NEDD4L: variants seen among roughly 807,000 people sequenced by gnomAD.
NEDD4L encodes NEDD4 like E3 ubiquitin protein ligase.
In NEDD4L, 54 loss-of-function variants were observed where a neutral mutation model predicts 148.9. That is an observed-to-expected ratio of 0.36 (90% CI 0.29 to 0.45). The LOEUF (loss-of-function observed/expected upper bound fraction) is 0.45, where lower values mean the gene tolerates loss of function less well. Among genes scored for constraint, NEDD4L ranks in the 20% least tolerant of loss-of-function variants. The probability of loss-of-function intolerance (pLI) is 1.00; values close to 1 mark genes in which losing one functional copy is unlikely to be tolerated. For missense variants in NEDD4L, 856 were observed against 1,233.8 expected, an observed-to-expected ratio of 0.69 and a Z score of 4.59; for synonymous variants, 433 against 440.7, an observed-to-expected ratio of 0.98 and a Z score of 0.22.
intron 22 of NEDD4L, among the ~76,000 whole-genome samples, chr18:58,369,748 C>T (rs1470170302): frequency 6.6e-6 from 1 of 152,204 alleles, no homozygotes; most frequent in Non-Finnish European, 1.5e-5. Flanking sequence ...ATGGAGGCAC[C>T]TGCAGGACGC....
Position 58,323,217 on chromosome 18 carries a change from C to T in NEDD4L, c.411-15C>T, listed in dbSNP as rs750032362. On this transcript the variant is annotated splice_polypyrimidine_tract_variant and intron_variant, in intron 7 of 30. Transcript: ENST00000400345. Reference sequence around the variant, plus strand: ...CACAACCCTTCTAACCAATTTTCTTCCATTATGTGTGCAGTCATAAGTCTC... The same window carrying T: ...CACAACCCTTCTAACCAATTTTCTTTCATTATGTGTGCAGTCATAAGTCTC... 1 of 1,514,264 alleles carries T rather than the reference C, an allele frequency of 6.6e-7. No individual in the cohort carries two copies. The highest frequency in any genetic ancestry group is 2.3e-5 in the East Asian group (1 of 43,998). The allele number at this position is 1,514,264 out of a possible 1,614,324, so 93.8% of individuals were successfully genotyped here.
chr18:58,109,576 T>TTTTTG (rs1555694283), intron 1 of NEDD4L, among the ~76,000 whole-genome samples: 6 of 147,272 alleles, frequency 4.1e-5, no homozygotes, highest in Non-Finnish European at 6.0e-5. Context: ...TTTTTTGTTT[T>TTTTTG]TTTTTTTTTT....
intron 4 of NEDD4L, among the ~76,000 whole-genome samples, chr18:58,251,543 ATG>A (rs142558960): frequency 2.0e-5 from 3 of 151,240 alleles, no homozygotes; most frequent in Non-Finnish European, 3.0e-5. Flanking sequence ...GTTTGTGTGT[ATG>A]TGTGTGTGTG....
intron 5 of NEDD4L, among the ~76,000 whole-genome samples, chr18:58,298,774 T>A (rs2056058146): frequency 6.6e-6 from 1 of 152,230 alleles, no homozygotes; most frequent in Non-Finnish European, 1.5e-5. Flanking sequence ...TAGAACAGTC[T>A]CCTAAATTAC....
chr18:58,337,726 C>G lies in NEDD4L; in HGVS notation c.1125+2189C>G, dbSNP rs74707416. Among the ~76,000 whole-genome samples the G allele has an allele frequency of 6.3e-3, 956 of 152,286 alleles. 25 individuals are homozygous for G. The highest frequency in any genetic ancestry group is 0.045 in the Admixed American group (696 of 15,298). ...TAATTTCCCGACATTCAAGGACTTT[C>G]TGCTCCCCCTACCCTGCCCTTTCAA... On this transcript the variant is annotated intron_variant, in intron 13 of 30. Coordinates refer to ENST00000400345, the MANE Select transcript of NEDD4L (RefSeq NM_001144967.3).
intron 30 of NEDD4L, among the ~76,000 whole-genome samples, chr18:58,393,780 C>T (rs2050132489): frequency 6.6e-6 from 1 of 152,172 alleles, no homozygotes; most frequent in Non-Finnish European, 1.5e-5. Flanking sequence ...TTTTATGATA[C>T]ACAATTAAAG....
At chr18:58,148,213 A>G (rs1166557723) in intron 1 of NEDD4L, among the ~76,000 whole-genome samples, 1 of 150,734 alleles carries the variant, frequency 6.6e-6, no homozygotes, top group African/African-American at 2.5e-5. Flanking sequence ...TCTCCCAGGC[A>G]GGAATGCAGT....
In NEDD4L at chr18:58,390,673, C is replaced by T; in HGVS notation, c.2683C>T (p.Arg895Cys). 1.3e-6 allele frequency: 2 copies of T among 1,595,062 alleles called. No individual in the cohort carries two copies. Among genetic ancestry groups the T allele is most frequent in the Non-Finnish European group, 8.5e-7 (1 of 1,169,808 alleles). ...KAVLLMDAEK[R>C]IRLLQFVTGT... is the part of the protein sequence containing the mutation. Reference sequence around the variant, plus strand: ...TGTGCTACTCATGGACGCCGAAAAGCGTATCCGGTTACTGCAGTTTGTCAC... The same window carrying T: ...TGTGCTACTCATGGACGCCGAAAAGTGTATCCGGTTACTGCAGTTTGTCAC... Residue 895 changes from arginine (R) to cysteine (C), a missense_variant, in exon 29 of 31, where the codon CGT becomes TGT. Around this residue, in one of 4 missense-constraint regions of NEDD4L, gnomAD observed 286 missense variants for 531.8 expected, o/e 0.54. Transcript: ENST00000400345.
At chr18:58,331,385 T>C (rs1457956164) in intron 11 of NEDD4L, among the ~76,000 whole-genome samples, 2 of 152,238 alleles carry the variant, frequency 1.3e-5, no homozygotes, top group African/African-American at 4.8e-5. Flanking sequence ...AATGCTTAAG[T>C]GGCTCATCCA....
chr18:58,360,492 CTAAATT>C (rs1294691118), intron 19 of NEDD4L, among the ~76,000 whole-genome samples: 1 of 152,140 alleles, frequency 6.6e-6, no homozygotes, highest in Non-Finnish European at 1.5e-5. Context: ...ATTTCAGTGA[CTAAATT>C]TAATTGCTCA....
chr18:58,264,468 G>A (rs531634786), intron 5 of NEDD4L, among the ~76,000 whole-genome samples: 4 of 152,028 alleles, frequency 2.6e-5, no homozygotes, highest in Non-Finnish European at 4.4e-5. Context: ...TTAAAGATGA[G>A]GAAAGTGAGA....
intron 1 of NEDD4L, among the ~76,000 whole-genome samples, chr18:58,143,060 C>T (rs2033724389): frequency 6.6e-6 from 1 of 152,120 alleles, no homozygotes; most frequent in South Asian, 2.1e-4. Flanking sequence ...AGAGCTGGCC[C>T]CAAGTCCTGA....
chr18:58,045,456 C>G (rs533428779), intron 1 of NEDD4L: 2 of 246,910 alleles, frequency 8.1e-6, no homozygotes, highest in East Asian at 7.6e-5. Context: ...ATTAATAAAG[C>G]GACTGAATAA....
intron 1 of NEDD4L, among the ~76,000 whole-genome samples, chr18:58,054,083 A>G (rs4245308): frequency 0.93 from 142,221 of 152,308 alleles, 66,538 homozygotes; most frequent in East Asian, 1. Context: ...ATTTACATGT[A>G]TAAGTTCTTT....
intron 5 of NEDD4L, among the ~76,000 whole-genome samples, chr18:58,275,131 T>TACC (rs2051683755): frequency 6.6e-6 from 1 of 152,182 alleles, no homozygotes; most frequent in East Asian, 1.9e-4. Context: ...ACTGATAACT[T>TACC]AAACAGTTGA....
intron 1 of NEDD4L, among the ~76,000 whole-genome samples, chr18:58,131,910 A>C (rs1447019665): frequency 6.6e-6 from 1 of 152,202 alleles, no homozygotes; most frequent in Admixed American, 6.5e-5. Context: ...TTTCTCAACA[A>C]GTTTGATTAT....
chr18:58,150,106 A>G (rs1054634685), intron 1 of NEDD4L, among the ~76,000 whole-genome samples: 2 of 152,230 alleles, frequency 1.3e-5, no homozygotes, highest in Non-Finnish European at 2.9e-5. Flanking sequence ...GAAGATTTCA[A>G]TGTAATTAAC....
intron 2 of NEDD4L, among the ~76,000 whole-genome samples, chr18:58,208,985 T>C (rs1399436467): frequency 6.6e-6 from 1 of 152,098 alleles, no homozygotes; most frequent in Non-Finnish European, 1.5e-5. Context: ...GACTGCAGGA[T>C]TCATTCCAGT....
At chr18:58,269,809 T>A (rs939543855) in intron 5 of NEDD4L, among the ~76,000 whole-genome samples, 3 of 150,984 alleles carry the variant, frequency 2.0e-5, no homozygotes, top group African/African-American at 7.3e-5. Flanking sequence ...ACCCCAAATC[T>A]ATATTGTGTT....
Sources: gnomAD v4.1 joint callset for allele counts (sites outside exome capture counted in the v4.1 genomes callset) on GRCh38, gnomAD v4.1.1 for gene constraint, gnomAD v4.1.1 regional missense constraint, MANE v1.5 for transcripts, NCBI Gene and HGNC (gene_info 2026-07-23, HGNC 2026-07-21) for gene names.